POLK: variants seen among roughly 807,000 people sequenced by gnomAD.
POLK encodes polymerase (DNA directed) kappa.
A neutral mutation model predicts 94.0 loss-of-function variants in POLK; 76 were observed. The observed-to-expected ratio is 0.81, with a 90% CI of 0.67 to 0.98. POLK has a LOEUF of 0.98. Among genes scored for constraint, POLK ranks in the 50% least tolerant of loss-of-function variants. POLK has a pLI of 0.00. For synonymous variants in POLK, 349 were observed against 325.4 expected (o/e 1.07, Z -0.78); for missense variants, 954 against 1,010.1 (o/e 0.94, Z 0.75).
chr5:75,525,193 AC>A (rs1361126279), intron 1 of POLK, among the ~76,000 whole-genome samples: 1 of 152,232 alleles, frequency 6.6e-6, no homozygotes, highest in Non-Finnish European at 1.5e-5. Context: ...ACAGATGGTA[AC>A]CCCAAGATGA....
intron 1 of POLK, among the ~76,000 whole-genome samples, chr5:75,538,279 TTAAAA>T (rs1304681397): frequency 1.3e-5 from 2 of 152,226 alleles, no homozygotes; most frequent in African/African-American, 4.8e-5. Flanking sequence ...TAAAGTCTTC[TTAAAA>T]TAAACAGCAT....
intron 4 of POLK, among the ~76,000 whole-genome samples, chr5:75,573,192 G>A (rs529347011): frequency 6.6e-6 from 1 of 152,202 alleles, no homozygotes; most frequent in East Asian, 1.9e-4. Context: ...CATAAAAAAT[G>A]ATGAGTTCAT....
intron 1 of POLK, among the ~76,000 whole-genome samples, chr5:75,543,815 T>TAA (rs940583016): frequency 2.6e-5 from 4 of 152,072 alleles, no homozygotes; most frequent in Non-Finnish European, 5.9e-5. Flanking sequence ...AACCAACTCT[T>TAA]AGAGTTTTTT....
At chr5:75,548,352 A>C (rs926239843) in intron 2 of POLK, among the ~76,000 whole-genome samples, 2 of 151,804 alleles carry the variant, frequency 1.3e-5, no homozygotes, top group African/African-American at 4.8e-5. Context: ...CCTGTTCAGA[A>C]ATTTTTTGTT....
At chr5:75,586,103 A>C (rs1005147518) in intron 9 of POLK, among the ~76,000 whole-genome samples, 1 of 152,218 alleles carries the variant, frequency 6.6e-6, no homozygotes, top group Non-Finnish European at 1.5e-5. Context: ...ATAGTGCTTG[A>C]AAACAATATA....
exon 13 of POLK, chr5:75,596,839 A>T: frequency 3.7e-6 from 6 of 1,612,194 alleles, no homozygotes; most frequent in Non-Finnish European, 5.1e-6. Flanking sequence ...AGCAGAAAGC[A>T]TAGATGCTTT....
At chr5:75,591,787 A>T (rs919274342) in intron 11 of POLK, among the ~76,000 whole-genome samples, 5 of 152,146 alleles carry the variant, frequency 3.3e-5, no homozygotes, top group African/African-American at 1.2e-4. Context: ...ATGTCGCCCA[A>T]TTTGGGTTTG....
At chr5:75,601,666 T>C (rs1283786124), downstream of POLK, among the ~76,000 whole-genome samples, 1 of 152,168 alleles carries the variant, frequency 6.6e-6, no homozygotes, top group Non-Finnish European at 1.5e-5. Context: ...AGACTCCAAG[T>C]TCTTCAGCTT....
At chr5:75,579,551 T>C (rs906740169) in intron 6 of POLK, among the ~76,000 whole-genome samples, 8 of 150,284 alleles carry the variant, frequency 5.3e-5, no homozygotes, top group African/African-American at 2.0e-4. Context: ...AGAGATGGGG[T>C]TTCACCATGT....
Position 75,587,007 on chromosome 5 carries a change from C to A in POLK, c.1227-19C>A. Reference sequence around the variant, plus strand: ...AACTCAGTCTTTGAAAAATAAAGACCTTTTTTTTTCATTTCAAGGGATGGA... The same window carrying A: ...AACTCAGTCTTTGAAAAATAAAGACATTTTTTTTTCATTTCAAGGGATGGA... On this transcript the variant is annotated intron_variant, in intron 9 of 14. Transcript: ENST00000241436. 5 of 1,503,358 alleles carry A rather than the reference C, an allele frequency of 3.3e-6. No homozygotes were observed. The highest frequency in any genetic ancestry group is 1.4e-5 in the African/African-American group (1 of 70,672). The allele number at this position is 1,503,358 out of a possible 1,614,324, so 93.1% of individuals were successfully genotyped here.
At chr5:75,560,726 G>C (rs1015758043) in intron 3 of POLK, among the ~76,000 whole-genome samples, 60 of 152,034 alleles carry the variant, frequency 3.9e-4, no homozygotes, top group Admixed American at 3.1e-3. Flanking sequence ...TGCCCATATG[G>C]TCTCATTGTT....
At position 75,560,219 on chromosome 5, in the gene POLK, A is replaced by G. The variant is rs565373964; in HGVS notation, c.255+7628A>G. On this transcript the variant is annotated intron_variant, in intron 3 of 14. Coordinates refer to ENST00000241436, the Ensembl canonical transcript of POLK. ...CAATAATTATGATCTCAGAATTATG[A>G]CCAGTAAATGAGTTAACATAGGAAG... Among the ~76,000 whole-genome samples, 6 of 152,334 alleles carry G rather than the reference A, an allele frequency of 3.9e-5. 1 individual carries two copies. The South Asian group carries it at 1.2e-3, about 32-fold the overall frequency.
chr5:75,552,631 A>G, intron 3 of POLK, 40 bp downstream of exon 3: 1 of 1,541,814 alleles, frequency 6.5e-7, no homozygotes, highest in African/African-American at 1.4e-5. Context: ...AGCTGGTAGA[A>G]TAGTAATTGA....
At chr5:75,528,663 A>AC (rs1768986731) in intron 1 of POLK, among the ~76,000 whole-genome samples, 1 of 151,966 alleles carries the variant, frequency 6.6e-6, no homozygotes, top group Non-Finnish European at 1.5e-5. Context: ...AAAAAAAAAA[A>AC]ATTTGGGCAA....
intron 3 of POLK, among the ~76,000 whole-genome samples, chr5:75,569,000 G>A (rs1258663238): frequency 6.6e-6 from 1 of 152,128 alleles, no homozygotes; most frequent in African/African-American, 2.4e-5. Context: ...GTGCCTAAGG[G>A]TATGGAGAGA....
chr5:75,525,830 T>C (rs1017702240), intron 1 of POLK, among the ~76,000 whole-genome samples: 9 of 152,182 alleles, frequency 5.9e-5, no homozygotes, highest in Non-Finnish European at 1.2e-4. Context: ...ACTGGCATCT[T>C]AGGTGTAGTT....
intron 3 of POLK, among the ~76,000 whole-genome samples, chr5:75,557,973 G>C (rs1393108512): frequency 6.6e-6 from 1 of 152,058 alleles, no homozygotes; most frequent in Non-Finnish European, 1.5e-5. Flanking sequence ...ATTTTTAGTT[G>C]AGACAGGGTT....
chr5:75,511,516 A>G (rs1044593104), upstream of POLK: 6 of 1,472,686 alleles, frequency 4.1e-6, no homozygotes, highest in African/African-American at 5.7e-5. Flanking sequence ...CTCGATGCCA[A>G]TTTCAAATAG....
exon 13 of POLK, chr5:75,596,815 G>C (rs112308888): frequency 1.1e-5 from 18 of 1,610,786 alleles, no homozygotes; most frequent in African/African-American, 6.7e-5. Context: ...AGATACTATA[G>C]ATAACTCATC....
Sources: gnomAD v4.1 joint callset for allele counts (sites outside exome capture counted in the v4.1 genomes callset) on GRCh38, gnomAD v4.1.1 for gene constraint, MANE v1.5 for transcripts, NCBI Gene and HGNC (gene_info 2026-07-23, HGNC 2026-07-21) for gene names.